Variants in KCNK2 observed in about 807,000 individuals in gnomAD.
The protein encoded by KCNK2 is potassium two pore domain channel subfamily K member 2.
Under a neutral mutation model 40.5 loss-of-function variants are expected in KCNK2, and 21 were observed. The ratio of observed to expected loss-of-function variants is 0.52; its 90% CI spans 0.37 to 0.75. The LOEUF (loss-of-function observed/expected upper bound fraction) is 0.75. KCNK2 is among the 30% of genes least tolerant of loss of function. KCNK2 has a pLI of 0.00. For missense variants in KCNK2, 399 were observed against 531.6 expected (o/e 0.75, Z 2.45); for synonymous variants, 191 against 202.2 (o/e 0.94, Z 0.47).
intron 1 of KCNK2, among the ~76,000 whole-genome samples, chr1:215,048,202 T>C (rs1455089930): frequency 6.6e-6 from 1 of 152,210 alleles, no homozygotes; most frequent in Non-Finnish European, 1.5e-5. Context: ...ACATCACTAC[T>C]AATTACAGAA....
At chr1:215,079,626 T>C (rs112331838), upstream of KCNK2, among the ~76,000 whole-genome samples, 1,540 of 152,224 alleles carry the variant, frequency 0.01, 32 homozygotes, top group African/African-American at 0.035. Context: ...TCCTCCAACA[T>C]TGAGGATTAC....
At chr1:215,189,686 C>T (rs1284875035) in intron 5 of KCNK2, among the ~76,000 whole-genome samples, 1 of 152,108 alleles carries the variant, frequency 6.6e-6, no homozygotes, top group Admixed American at 6.5e-5. Context: ...TTGTTTAATA[C>T]TGAAGTCATA....
At position 215,235,097 on chromosome 1, in the gene KCNK2, G is replaced by A. The variant is rs1425573062; in HGVS notation, c.1233G>A (p.Thr411=). 17 of 1,609,082 alleles carry A rather than the reference G, an allele frequency of 1.1e-5. No individual in the cohort carries two copies. Among genetic ancestry groups the A allele is most frequent in the African/African-American group, 4.0e-5 (3 of 74,804 alleles). The change falls in exon 7 of 7, where the codon ACG becomes ACA. Residue 411 remains threonine, a synonymous_variant. Coordinates refer to ENST00000444842, the MANE Select transcript of KCNK2 (RefSeq NM_001017425.3). ...KTESIYLNGL[T]PHCAGEEIAV... is the part of the protein sequence containing the mutation. ...AGAGTATCTATCTGAATGGTTTGAC[G>A]CCACACTGTGCTGGTGAAGAGATTG...
intron 2 of KCNK2, among the ~76,000 whole-genome samples, chr1:215,093,405 A>G (rs1209170150): frequency 1.5e-5 from 2 of 134,216 alleles, no homozygotes; most frequent in Non-Finnish European, 3.1e-5. Context: ...TATAATATAC[A>G]TATAATATAT....
At chr1:215,037,347 G>A (rs1657423268) in intron 1 of KCNK2, among the ~76,000 whole-genome samples, 1 of 151,840 alleles carries the variant, frequency 6.6e-6, no homozygotes, top group Admixed American at 6.6e-5. Context: ...ATTTTCAAAT[G>A]TTAAGCCAAT....
intron 3 of KCNK2, among the ~76,000 whole-genome samples, chr1:215,144,959 C>T (rs1662351495): frequency 1.3e-5 from 2 of 152,154 alleles, no homozygotes; most frequent in African/African-American, 4.8e-5. Context: ...TAGAGCACTT[C>T]ATTTCACAGA....
intron 5 of KCNK2, among the ~76,000 whole-genome samples, chr1:215,189,354 G>A (rs558669968): frequency 6.6e-5 from 10 of 152,238 alleles, no homozygotes; most frequent in South Asian, 2.1e-4. Context: ...ACTACATTCC[G>A]TGAAAAATAT....
chr1:215,108,444 C>T (rs1450645434), intron 2 of KCNK2, among the ~76,000 whole-genome samples: 2 of 152,064 alleles, frequency 1.3e-5, no homozygotes, highest in African/African-American at 2.4e-5. Context: ...TTCCAAATAG[C>T]TTTTCATATT....
At chr1:215,055,562 A>G (rs1265491692) in intron 1 of KCNK2, among the ~76,000 whole-genome samples, 1 of 152,228 alleles carries the variant, frequency 6.6e-6, no homozygotes, top group Admixed American at 6.5e-5. Context: ...AGGAAGTAAA[A>G]TAGGCCCCAG....
chr1:215,213,479 C>T (rs1183989849), intron 6 of KCNK2, among the ~76,000 whole-genome samples: 5 of 151,952 alleles, frequency 3.3e-5, no homozygotes, highest in Admixed American at 1.3e-4. Flanking sequence ...GGCACGATGG[C>T]GCATGCCTGT....
intron 3 of KCNK2, among the ~76,000 whole-genome samples, chr1:215,156,022 T>C (rs1253090388): frequency 6.6e-6 from 1 of 151,604 alleles, no homozygotes. Context: ...TGAAAAATTA[T>C]GTGTGTGTGT....
chr1:215,213,456 C>T (rs1358536999), intron 6 of KCNK2, among the ~76,000 whole-genome samples: 1 of 151,940 alleles, frequency 6.6e-6, no homozygotes, highest in African/African-American at 2.4e-5. Flanking sequence ...TAAAAAAATA[C>T]AAAAATTAGC....
chr1:215,012,443 T>A (rs1375035756), intron 1 of KCNK2, among the ~76,000 whole-genome samples: 8 of 151,660 alleles, frequency 5.3e-5, no homozygotes, highest in African/African-American at 1.9e-4. Context: ...TCTTCTTTAG[T>A]AAAATATCTG....
In KCNK2 at chr1:215,049,661, A is replaced by T. The variant is rs1657913520; in HGVS notation, c.35-36707A>T. Among the ~76,000 whole-genome samples, 4 of 152,166 alleles carry T rather than the reference A, an allele frequency of 2.6e-5. No individual in the cohort carries two copies. The South Asian group carries it at 8.3e-4, about 31-fold the overall frequency. On this transcript the variant is annotated intron_variant, in intron 1 of 6. Transcript: ENST00000391895. ...GAGGCACATAATTCATTTTGAGTGA[A>T]TTTTTGAATAAAATATGAGGTTTAG... is the stretch of plus-strand genomic sequence containing the variant.
At chr1:215,188,756 G>A (rs976795733) in intron 5 of KCNK2, among the ~76,000 whole-genome samples, 1 of 152,202 alleles carries the variant, frequency 6.6e-6, no homozygotes, top group Admixed American at 6.5e-5. Flanking sequence ...AGATAACAAG[G>A]AAAGTACCTG....
At chr1:215,187,057 C>T (rs1190857681) in intron 5 of KCNK2, among the ~76,000 whole-genome samples, 1 of 152,160 alleles carries the variant, frequency 6.6e-6, no homozygotes, top group Admixed American at 6.6e-5. Context: ...GCAGCCTCGA[C>T]ATTCTGGGCT....
intron 2 of KCNK2, among the ~76,000 whole-genome samples, chr1:215,088,474 G>T (rs1338198771): frequency 1.3e-5 from 2 of 151,668 alleles, no homozygotes; most frequent in Admixed American, 6.6e-5. Context: ...GTTTTCTGTG[G>T]TTATTGTTTT....
intron 3 of KCNK2, among the ~76,000 whole-genome samples, chr1:215,163,726 G>T (rs1335729923): frequency 6.6e-6 from 1 of 152,144 alleles, no homozygotes; most frequent in Non-Finnish European, 1.5e-5. Flanking sequence ...TATGTTTATT[G>T]ATTTGCGTAT....
intron 6 of KCNK2, among the ~76,000 whole-genome samples, chr1:215,223,244 A>T (rs1182868933): frequency 7.6e-6 from 1 of 131,624 alleles, no homozygotes; most frequent in Non-Finnish European, 1.5e-5. Flanking sequence ...TCTTTTCTAA[A>T]AAAAAAAAAA....
Sources: gnomAD v4.1 joint callset for allele counts (sites outside exome capture counted in the v4.1 genomes callset) on GRCh38, gnomAD v4.1.1 for gene constraint, MANE v1.5 for transcripts, NCBI Gene and HGNC (gene_info 2026-07-23, HGNC 2026-07-21) for gene names.